Variants in IFT80 observed in about 807,000 individuals in gnomAD.
IFT80 encodes the protein intraflagellar transport 80.
IFT80 carries 79 observed loss-of-function variants against 107.9 expected under a neutral mutation model. The observed-to-expected ratio is 0.73, with a 90% CI of 0.61 to 0.88. The LOEUF (loss-of-function observed/expected upper bound fraction) is 0.88. Among genes scored for constraint, IFT80 ranks in the 40% least tolerant of loss-of-function variants. The probability of loss-of-function intolerance (pLI) is 0.00; values close to 1 mark genes in which losing one functional copy is unlikely to be tolerated. For synonymous variants in IFT80, 299 were observed against 300.9 expected (o/e 0.99, Z 0.07); for missense variants, 797 against 914.2 (o/e 0.87, Z 1.65).
At chr3:160,336,525 C>T (rs1719474604) in intron 8 of IFT80, among the ~76,000 whole-genome samples, 1 of 151,866 alleles carries the variant, frequency 6.6e-6, no homozygotes, top group South Asian at 2.1e-4. Context: ...CCATTTCCTC[C>T]CTCTCTCTAT....
chr3:160,262,920 C>T (rs956360128), intron 19 of IFT80, among the ~76,000 whole-genome samples: 1 of 152,142 alleles, frequency 6.6e-6, no homozygotes, highest in Non-Finnish European at 1.5e-5. Flanking sequence ...TTCAACTATA[C>T]CTAGATGGTC....
intron 12 of IFT80, 77 bp from the exon 13 acceptor site, chr3:160,285,945 T>A: frequency 9.9e-7 from 1 of 1,007,212 alleles, no homozygotes; most frequent in Non-Finnish European, 1.5e-6. Flanking sequence ...ACTATTATAA[T>A]CCTTATAAGA....
intron 9 of IFT80, among the ~76,000 whole-genome samples, chr3:160,319,395 C>T (rs943773798): frequency 6.6e-6 from 1 of 151,862 alleles, no homozygotes; most frequent in Non-Finnish European, 1.5e-5. Context: ...AACAATTAAC[C>T]CTGTCAGTAA....
At position 160,377,658 on chromosome 3, in the gene IFT80, C is replaced by T. The variant is rs190765374; in HGVS notation, c.260-118G>A. The T allele has an allele frequency of 8.7e-4, 491 of 562,064 alleles. 4 individuals are homozygous for T. Among genetic ancestry groups the T allele is most frequent in the African/African-American group, 8.3e-3 (431 of 51,904 alleles). The allele number at this position is 562,064 out of a possible 1,614,324, so 34.8% of individuals were successfully genotyped here. A position where few individuals can be genotyped will look rare whatever the true frequency, so the allele number is the denominator to read the frequency against. On this transcript the variant is annotated intron_variant, in intron 3 of 19. Transcript: ENST00000326448. The stretch of plus-strand genomic sequence containing the variant: ...GGCAAATATTAACATTATAATTATT[C>T]TTAATATCACATATAAATCTATTGG...
In IFT80 at chr3:160,328,169, C is replaced by A. The variant is rs575846960; in HGVS notation, c.778-8230G>T. Among the ~76,000 whole-genome samples the A allele has an allele frequency of 1.1e-4, 16 of 151,818 alleles. No individual in the cohort carries two copies. In the South Asian group the frequency reaches 3.1e-3, roughly 30 times the overall value. On this transcript the variant is annotated intron_variant, in intron 8 of 19. Coordinates refer to ENST00000326448, the MANE Select transcript of IFT80 (RefSeq NM_020800.3). Reference sequence around the variant, plus strand: ...CTCACACCAGTCAGAATGGCTATTACTAAAAAGTCTGGCCGAGTGCAGTAG... The same window carrying A: ...CTCACACCAGTCAGAATGGCTATTAATAAAAAGTCTGGCCGAGTGCAGTAG...
Position 160,258,411 on chromosome 3 carries a change from T to C in IFT80, c.*114A>G. On this transcript the variant is annotated 3_prime_UTR_variant, in exon 20 of 20. Coordinates refer to ENST00000326448, the MANE Select transcript of IFT80 (RefSeq NM_020800.3). ...ACTTTTACACTAAATACACAGCAAG[T>C]ACTTATACTCGGTTAAAGATTATGC... is the stretch of plus-strand genomic sequence containing the variant. 1 of 1,253,172 alleles carries C rather than the reference T, an allele frequency of 8.0e-7. No homozygotes were observed. Among genetic ancestry groups the C allele is most frequent in the East Asian group, 2.4e-5 (1 of 41,238 alleles). 77.6% of individuals were successfully genotyped at this position (1,253,172 alleles called of 1,614,324 possible).
chr3:160,270,813 T>G (rs1713743330), intron 18 of IFT80, among the ~76,000 whole-genome samples: 1 of 152,174 alleles, frequency 6.6e-6, no homozygotes, highest in Non-Finnish European at 1.5e-5. Flanking sequence ...TACTTTTTTT[T>G]GTCACCTTAG....
At chr3:160,316,078 G>A (rs1254604142) in intron 9 of IFT80, among the ~76,000 whole-genome samples, 1 of 152,138 alleles carries the variant, frequency 6.6e-6, no homozygotes, top group Non-Finnish European at 1.5e-5. Context: ...TATGGCAACA[G>A]TGATGAGATG....
intron 6 of IFT80, among the ~76,000 whole-genome samples, chr3:160,360,662 C>G (rs914488931): frequency 8.5e-5 from 13 of 152,178 alleles, no homozygotes; most frequent in African/African-American, 2.9e-4. Flanking sequence ...GATCTCTCAG[C>G]AGAAACTCTA....
chr3:160,397,977 C>T (rs1392841832), intron 1 of IFT80, among the ~76,000 whole-genome samples: 1 of 151,976 alleles, frequency 6.6e-6, no homozygotes, highest in Admixed American at 6.6e-5. Context: ...TAGTTGATAC[C>T]TCCCCAACTC....
At chr3:160,361,538 T>C (rs1721491881) in intron 6 of IFT80, among the ~76,000 whole-genome samples, 2 of 152,272 alleles carry the variant, frequency 1.3e-5, no homozygotes, top group Non-Finnish European at 2.9e-5. Flanking sequence ...AATAGACATC[T>C]ACAGAACTCT....
At chr3:160,346,691 G>T (rs1463577118) in intron 8 of IFT80, among the ~76,000 whole-genome samples, 1 of 151,726 alleles carries the variant, frequency 6.6e-6, no homozygotes, top group African/African-American at 2.4e-5. Flanking sequence ...TGTGGTCACT[G>T]AAGTCTCCAT....
intron 12 of IFT80, among the ~76,000 whole-genome samples, chr3:160,288,070 C>A (rs183992417): frequency 3.9e-5 from 6 of 152,208 alleles, no homozygotes; most frequent in Non-Finnish European, 5.9e-5. Flanking sequence ...GCAGTCTGGG[C>A]GCAGTGGCTC....
chr3:160,343,889 G>C (rs1720097773), intron 8 of IFT80: 1 of 212,512 alleles, frequency 4.7e-6, no homozygotes, highest in Middle Eastern at 4.7e-4. Flanking sequence ...GCATCTAACA[G>C]ACTCTCAATA....
At chr3:160,386,893 A>C (rs1712975799) in intron 1 of IFT80, among the ~76,000 whole-genome samples, 1 of 152,220 alleles carries the variant, frequency 6.6e-6, no homozygotes, top group African/African-American at 2.4e-5. Flanking sequence ...GGTCTTGGAA[A>C]GTCATAATAA....
At chr3:160,330,377 C>T (rs557936633) in intron 8 of IFT80, among the ~76,000 whole-genome samples, 1 of 152,310 alleles carries the variant, frequency 6.6e-6, no homozygotes, top group South Asian at 2.1e-4. Context: ...ACCAACTCGT[C>T]TGCTAACTAT....
chr3:160,311,187 G>T lies in IFT80; in HGVS notation c.958-3406C>A, dbSNP rs139215978. ...TAAATGTAATCATACCACAAAGATGGAATCAGTCAAATACAGAATGTGGGA... is the reference window on the plus strand; with the variant it reads ...TAAATGTAATCATACCACAAAGATGTAATCAGTCAAATACAGAATGTGGGA... On this transcript the variant is annotated intron_variant, in intron 9 of 19. Coordinates refer to ENST00000326448, the MANE Select transcript of IFT80 (RefSeq NM_020800.3). 2.3e-3 allele frequency among the ~76,000 whole-genome samples: 353 copies of T among 152,184 alleles called. 3 individuals carry two copies. The highest frequency in any genetic ancestry group is 7.8e-3 in the African/African-American group (326 of 41,546).
At chr3:160,353,603 C>T (rs1389497571) in intron 8 of IFT80, among the ~76,000 whole-genome samples, 1 of 152,214 alleles carries the variant, frequency 6.6e-6, no homozygotes, top group East Asian at 1.9e-4. Flanking sequence ...TCTTCCCCAA[C>T]TTTGTCTCCT....
At chr3:160,287,311 T>C (rs1465667936) in intron 12 of IFT80, among the ~76,000 whole-genome samples, 1 of 152,276 alleles carries the variant, frequency 6.6e-6, no homozygotes, top group South Asian at 2.1e-4. Flanking sequence ...TTACAGCCAG[T>C]TGGTCAGAAA....
Sources: allele counts gnomAD v4.1 joint callset (sites outside exome capture counted in the v4.1 genomes callset), GRCh38; gene constraint gnomAD v4.1.1; transcripts MANE v1.5; gene names NCBI Gene and HGNC (gene_info 2026-07-23, HGNC 2026-07-21).